The following ADCY3 variants were observed in gnomAD, a reference collection of about 807,000 sequenced individuals.
ADCY3 encodes adenylate cyclase 3.
In ADCY3, 70 loss-of-function variants were observed where a neutral mutation model predicts 119.4. That is an observed-to-expected ratio of 0.59 (90% CI 0.48 to 0.72). The LOEUF (loss-of-function observed/expected upper bound fraction) is 0.72. Ranked by LOEUF, ADCY3 falls within the 30% of genes least tolerant of loss-of-function variation. The pLI is 0.00. For synonymous variants in ADCY3, 672 were observed against 621.4 expected, an observed-to-expected ratio of 1.08 and a Z score of -1.21; for missense variants, 1,238 against 1,541.6, an observed-to-expected ratio of 0.80 and a Z score of 3.30.
intron 3 of ADCY3, among the ~76,000 whole-genome samples, chr2:24,869,522 C>T (rs2148794641): frequency 6.6e-6 from 1 of 152,300 alleles, no homozygotes; most frequent in East Asian, 1.9e-4. Flanking sequence ...CCTCCCACCT[C>T]AGCCTCCCAA....
intron 3 of ADCY3, among the ~76,000 whole-genome samples, chr2:24,844,812 C>A (rs1361555356): frequency 6.6e-6 from 1 of 152,152 alleles, no homozygotes; most frequent in Non-Finnish European, 1.5e-5. Context: ...AGTGGTTTTG[C>A]GCTTTGATAT....
At position 24,872,343 on chromosome 2, in the gene ADCY3, T is replaced by C. The variant is rs1250854736; in HGVS notation, c.825+227A>G. 6.6e-6 allele frequency among the ~76,000 whole-genome samples: 1 copy of C among 152,170 alleles called. No individual in the cohort carries two copies. The highest frequency in any genetic ancestry group is 1.9e-4 in the East Asian group (1 of 5,188). On this transcript the variant is annotated intron_variant, in intron 3 of 21. Coordinates refer to ENST00000679454, the MANE Select transcript of ADCY3 (RefSeq NM_004036.5). The surrounding 1 kb of genome is among the most constrained non-coding windows in gnomAD (Gnocchi z 4.4). ...GCAGGAAGGCAGAAGAGGAGAGATC[T>C]GGGTCAAGCAGAAGCAGATTTAGGA...
intron 3 of ADCY3, among the ~76,000 whole-genome samples, chr2:24,858,402 C>T (rs909898040): frequency 1.3e-5 from 2 of 152,114 alleles, no homozygotes; most frequent in Non-Finnish European, 2.9e-5. Context: ...AAAACAGATA[C>T]CCACAGGCCA....
At chr2:24,820,884 G>A in intron 20 of ADCY3, 36 bp from the exon 21 acceptor site, 1 of 1,608,826 alleles carries the variant, frequency 6.2e-7, no homozygotes, top group Non-Finnish European at 8.5e-7. Context: ...ACAGCCACAG[G>A]CCACACCTTG....
intron 8 of ADCY3, among the ~76,000 whole-genome samples, chr2:24,837,777 G>A (rs1670482972): frequency 6.6e-6 from 1 of 152,176 alleles, no homozygotes; most frequent in African/African-American, 2.4e-5. Flanking sequence ...TTTGGGGGTT[G>A]GTGGACAGAC....
chr2:24,821,689 A>G (rs1291178873), intron 19 of ADCY3, 49 bp from the exon 20 acceptor site: 5 of 1,599,792 alleles, frequency 3.1e-6, no homozygotes, highest in Non-Finnish European at 4.3e-6. Context: ...TCACTGCAGC[A>G]GCCTGCTCTG....
chr2:24,897,451 C>T (rs1678414333), intron 2 of ADCY3, among the ~76,000 whole-genome samples: 1 of 152,194 alleles, frequency 6.6e-6, no homozygotes, highest in Non-Finnish European at 1.5e-5. Flanking sequence ...GAACACCAGC[C>T]TCACCTGCCA....
At chr2:24,852,493 C>A (rs963702520) in intron 3 of ADCY3, among the ~76,000 whole-genome samples, 2 of 152,216 alleles carry the variant, frequency 1.3e-5, no homozygotes, top group Non-Finnish European at 2.9e-5. Flanking sequence ...CCGGCCTCCC[C>A]GGCCTCACTG....
At chr2:24,836,760 G>A (rs962164258) in intron 9 of ADCY3, among the ~76,000 whole-genome samples, 157 bp downstream of exon 9, 1 of 152,146 alleles carries the variant, frequency 6.6e-6, no homozygotes, top group South Asian at 2.1e-4. Context: ...GGGGCTGGAG[G>A]GGTGACCTGT....
chr2:24,896,377 T>C (rs971582414), intron 2 of ADCY3, among the ~76,000 whole-genome samples: 1 of 151,962 alleles, frequency 6.6e-6, no homozygotes, highest in African/African-American at 2.4e-5. Flanking sequence ...AAAGTGAGAT[T>C]CTGTTACAAA....
Position 24,842,777 on chromosome 2 carries a change from G to A in ADCY3, c.826-393C>T, listed in dbSNP as rs748447206. The stretch of plus-strand genomic sequence containing the variant: ...CCCGCCACGGCTGCACAGAGCCATC[G>A]CTCACAAAATTCTGCTTTGACCTGA... On this transcript the variant is annotated intron_variant, in intron 3 of 21. Transcript: ENST00000679454. The surrounding 1 kb of genome is among the most constrained non-coding windows in gnomAD (Gnocchi z 4.9). 3.3e-5 allele frequency among the ~76,000 whole-genome samples: 5 copies of A among 152,206 alleles called. No homozygotes were observed. The highest frequency in any genetic ancestry group is 4.8e-5 in the African/African-American group (2 of 41,456).
At chr2:24,884,049 G>A (rs544055360) in intron 2 of ADCY3, among the ~76,000 whole-genome samples, 1 of 152,198 alleles carries the variant, frequency 6.6e-6, no homozygotes, top group Admixed American at 6.5e-5. Flanking sequence ...CCTTCTAGGG[G>A]TTTCTCAGCA....
chr2:24,855,202 C>A (rs756323217), intron 3 of ADCY3, among the ~76,000 whole-genome samples: 122 of 152,208 alleles, frequency 8.0e-4, no homozygotes, highest in African/African-American at 2.8e-3. Flanking sequence ...CCCCCCACCC[C>A]CTTCTTCTTA....
chr2:24,822,733 A>G, intron 18 of ADCY3, 103 bp from the exon 19 acceptor site: 1 of 1,456,042 alleles, frequency 6.9e-7, no homozygotes, highest in East Asian at 2.4e-5. Flanking sequence ...TAAACCCAAG[A>G]GACACTTTCC....
In ADCY3 at chr2:24,839,875, A is replaced by G; in HGVS notation, c.1353T>C (p.Pro451=). 3 of 1,613,768 alleles carry G rather than the reference A, an allele frequency of 1.9e-6. No homozygotes were observed. The highest frequency in any genetic ancestry group is 2.5e-6 in the Non-Finnish European group (3 of 1,179,994). The change falls in exon 7 of 22, where the codon CCT becomes CCC. Residue 451 remains proline, a splice_region_variant and synonymous_variant. Coordinates refer to ENST00000679454, the MANE Select transcript of ADCY3 (RefSeq NM_004036.5). ...TGCCCCCTTGGAATGGCACTCACCC[A>G]GGGATGCCGCCGGCCTCCATCTTGT... ...VANKMEAGGI[P]GRVHISQSTM...
intron 2 of ADCY3, among the ~76,000 whole-genome samples, chr2:24,902,361 G>T (rs951439288): frequency 2.0e-5 from 3 of 152,040 alleles, no homozygotes; most frequent in Admixed American, 2.0e-4. Context: ...GATTATAGAC[G>T]TGAGCCACCT....
chr2:24,821,068 T>G (rs1022324881), intron 20 of ADCY3: 16 of 607,432 alleles, frequency 2.6e-5, no homozygotes, highest in Admixed American at 6.5e-5. Context: ...ATATGCAGAT[T>G]TACTCGGCAT....
chr2:24,861,754 G>C (rs780451088), intron 3 of ADCY3, among the ~76,000 whole-genome samples: 3 of 152,152 alleles, frequency 2.0e-5, no homozygotes, highest in Non-Finnish European at 4.4e-5. Context: ...CTCTGTCCTG[G>C]CTGGAAGAGA....
Position 24,872,188 on chromosome 2 carries a change from G to A in ADCY3, c.825+382C>T, listed in dbSNP as rs1675101885. ...AGGCGTGACGTGAAGGAATGCCCGT[G>A]ATGCCCCTGACCCTGACCTTGGTCC... On this transcript the variant is annotated intron_variant, in intron 3 of 21. Transcript: ENST00000679454. This position sits in a 1 kb window ranked among gnomAD's most constrained non-coding sequence, Gnocchi z 4.4. 6.6e-6 allele frequency among the ~76,000 whole-genome samples: 1 copy of A among 152,226 alleles called. No individual in the cohort carries two copies. Among genetic ancestry groups the A allele is most frequent in the South Asian group, 2.1e-4 (1 of 4,834 alleles).
Sources: allele counts gnomAD v4.1 joint callset (sites outside exome capture counted in the v4.1 genomes callset), GRCh38; gene constraint gnomAD v4.1.1; non-coding constraint Gnocchi (gnomAD v3.1); transcripts MANE v1.5; gene names NCBI Gene and HGNC (gene_info 2026-07-23, HGNC 2026-07-21).